The following PRH1 variants were observed in gnomAD, a reference collection of about 807,000 sequenced individuals.
PRH1 encodes the protein salivary acidic proline-rich phosphoprotein 1/2.
A neutral mutation model predicts 7.9 loss-of-function variants in PRH1; 7 were observed. That is an observed-to-expected ratio of 0.89 (90% CI 0.50 to 1.67). PRH1 has a LOEUF of 1.67. Ranked by LOEUF, PRH1 falls within the 40% of genes most tolerant of loss-of-function variation. PRH1 has a pLI of 0.00. For missense variants in PRH1, 109 were observed against 223.6 expected, an observed-to-expected ratio of 0.49 and a Z score of 3.27; for synonymous variants, 45 against 80.8, an observed-to-expected ratio of 0.56 and a Z score of 2.38.
In PRH1 at chr12:10,943,540, T is replaced by C. The variant is rs1321084601; in HGVS notation, c.-59+30115A>G. On this transcript the variant is annotated intron_variant, in intron 2 of 3. Coordinates refer to the PRH1 transcript ENST00000539853. Reference sequence around the variant, plus strand: ...GTAGGTTGTCGATTTACTCTGTTGATATTTTCTTTTCTTGTGCAGGGGCTC... The same window carrying C: ...GTAGGTTGTCGATTTACTCTGTTGACATTTTCTTTTCTTGTGCAGGGGCTC... Among the ~76,000 whole-genome samples, 3 of 152,216 alleles carry C rather than the reference T, an allele frequency of 2.0e-5. No homozygotes were observed. The East Asian group carries it at 5.8e-4, about 29-fold the overall frequency.
chr12:10,992,043 T>G (rs762589685), intron 1 of PRH1, among the ~76,000 whole-genome samples: 10 of 151,944 alleles, frequency 6.6e-5, no homozygotes, highest in Non-Finnish European at 1.3e-4. Flanking sequence ...GGGACAAGAG[T>G]TGCAAAAGCT....
intron 1 of PRH1, among the ~76,000 whole-genome samples, chr12:11,107,427 A>T (rs1237715676): frequency 1.3e-5 from 2 of 152,364 alleles, no homozygotes; most frequent in East Asian, 3.9e-4. Flanking sequence ...TGTACAAGCA[A>T]GAATGACCAG....
At chr12:11,147,877 C>A (rs376368412) in intron 1 of PRH1, among the ~76,000 whole-genome samples, 65 of 151,894 alleles carry the variant, frequency 4.3e-4, no homozygotes, top group Middle Eastern at 3.4e-3. Context: ...TTACCTTGGG[C>A]AGTATGGCCA....
At position 10,929,407 on chromosome 12, in the gene PRH1, A is replaced by G. The variant is rs188296239; in HGVS notation, c.-59+44248T>C. On this transcript the variant is annotated intron_variant, in intron 2 of 3. Transcript: ENST00000539853. ...ACGGGCGAATGCTATAGAGGGGGAA[A>G]GTGGAGGGAAGAGAGGAGGATGAGA... The G allele has an allele frequency of 2.3e-4, 367 of 1,582,568 alleles. 5 individuals are homozygous for G. The East Asian group carries it at 6.0e-3, about 26-fold the overall frequency.
chr12:11,028,211 T>C (rs1942013184), intron 1 of PRH1, among the ~76,000 whole-genome samples: 1 of 152,322 alleles, frequency 6.6e-6, no homozygotes, highest in Admixed American at 6.5e-5. Flanking sequence ...ACAGCAGAGA[T>C]GATAGTTCTG....
At chr12:10,930,142 A>G in intron 2 of PRH1, 5 of 1,098,426 alleles carry the variant, frequency 4.6e-6, no homozygotes, top group Non-Finnish European at 6.9e-6. Flanking sequence ...AGCATCAGAG[A>G]GTGGCTGATG....
chr12:11,044,755 T>C (rs1202525616), intron 1 of PRH1, among the ~76,000 whole-genome samples: 2 of 152,046 alleles, frequency 1.3e-5, no homozygotes, highest in Non-Finnish European at 2.9e-5. Context: ...TAAAATGAGA[T>C]AGATATCATC....
upstream of PRH1, among the ~76,000 whole-genome samples, chr12:10,888,433 T>G (rs184059862): frequency 6.6e-6 from 1 of 152,308 alleles, no homozygotes; most frequent in East Asian, 1.9e-4. Flanking sequence ...CCAGGCTTCT[T>G]CCAGATATTT....
At chr12:10,969,726 T>C (rs1055193060) in intron 2 of PRH1, among the ~76,000 whole-genome samples, 2 of 152,222 alleles carry the variant, frequency 1.3e-5, no homozygotes, top group African/African-American at 4.8e-5. Flanking sequence ...TATGTATCAA[T>C]AGCATCATTA....
chr12:11,092,437 G>A, intron 1 of PRH1: 1 of 315,624 alleles, frequency 3.2e-6, no homozygotes, highest in Non-Finnish European at 6.2e-6. Context: ...TCCACAGAGT[G>A]AAAGGCAACC....
At chr12:11,003,850 A>G (rs1940704586) in intron 1 of PRH1, among the ~76,000 whole-genome samples, 1 of 151,908 alleles carries the variant, frequency 6.6e-6, no homozygotes, top group Admixed American at 6.6e-5. Context: ...TTTCCTTTTC[A>G]TATATATTCT....
At chr12:10,987,845 T>C (rs6488334) in intron 1 of PRH1, among the ~76,000 whole-genome samples, 96,647 of 152,000 alleles carry the variant, frequency 0.64, 33,349 homozygotes, top group South Asian at 0.8. Flanking sequence ...CCACACCCTA[T>C]GACACATAAT....
intron 2 of PRH1, among the ~76,000 whole-genome samples, chr12:10,957,931 T>C (rs1415448182): frequency 6.6e-6 from 1 of 152,132 alleles, no homozygotes; most frequent in Non-Finnish European, 1.5e-5. Context: ...GGCAAGATTG[T>C]GGTGAAAGGG....
At chr12:11,152,390 C>T (rs61928569) in intron 1 of PRH1, among the ~76,000 whole-genome samples, 68,985 of 151,596 alleles carry the variant, frequency 0.46, 16,485 homozygotes, top group Non-Finnish European at 0.53. Context: ...AGTATTTCTT[C>T]ACAAGAAAAT....
chr12:11,089,570 C>A (rs1355286949), intron 1 of PRH1, among the ~76,000 whole-genome samples: 1 of 135,862 alleles, frequency 7.4e-6, no homozygotes, highest in Admixed American at 7.5e-5. Flanking sequence ...CACGTCCTTG[C>A]CATTTTTGTC....
At chr12:10,965,724 T>A (rs1014310448) in intron 2 of PRH1, among the ~76,000 whole-genome samples, 1 of 152,208 alleles carries the variant, frequency 6.6e-6, no homozygotes, top group African/African-American at 2.4e-5. Flanking sequence ...ATTTCACCTT[T>A]CCATAATTTG....
intron 1 of PRH1, among the ~76,000 whole-genome samples, chr12:11,099,430 G>A (rs538288999): frequency 6.6e-6 from 1 of 152,128 alleles, no homozygotes; most frequent in Non-Finnish European, 1.5e-5. Flanking sequence ...ACCCAGCTTA[G>A]AAAAATGAAA....
chr12:11,126,398 G>A (rs558952862), intron 1 of PRH1, among the ~76,000 whole-genome samples: 3 of 152,044 alleles, frequency 2.0e-5, no homozygotes, highest in Admixed American at 6.6e-5. Context: ...TATCTATGTA[G>A]TGCAAATTTG....
At chr12:10,997,760 T>A (rs144230027) in intron 1 of PRH1, 1 of 1,613,846 alleles carries the variant, frequency 6.2e-7, no homozygotes, top group African/African-American at 1.3e-5. Context: ...GGAGATCTTT[T>A]GTCTCTTGAC....
Sources: allele counts gnomAD v4.1 joint callset (sites outside exome capture counted in the v4.1 genomes callset), GRCh38; gene constraint gnomAD v4.1.1; transcripts MANE v1.5; gene names NCBI Gene and HGNC (gene_info 2026-07-23, HGNC 2026-07-21).